Variants in NCALD observed in about 807,000 individuals in gnomAD.
NCALD encodes neurocalcin delta.
Under a neutral mutation model 18.6 loss-of-function variants are expected in NCALD, and 10 were observed. The observed-to-expected ratio is 0.54, with a 90% confidence interval of 0.33 to 0.91. NCALD has a LOEUF of 0.91. NCALD is among the 40% of genes least tolerant of loss of function. NCALD has a pLI of 0.03. For missense variants in NCALD, 184 were observed against 247.6 expected (o/e 0.74, Z 1.72); for synonymous variants, 88 against 87.4 (o/e 1.01, Z -0.04).
intron 1 of NCALD, among the ~76,000 whole-genome samples, chr8:102,066,303 T>C (rs1337879365): frequency 1.3e-5 from 2 of 152,260 alleles, no homozygotes; most frequent in Admixed American, 1.3e-4. Context: ...TCTCATTTCC[T>C]AGGATCTTAT....
intron 2 of NCALD, among the ~76,000 whole-genome samples, chr8:101,977,701 A>T (rs142875453): frequency 7.9e-5 from 12 of 152,296 alleles, no homozygotes; most frequent in African/African-American, 2.9e-4. Context: ...TGGGGGCTGC[A>T]ATCCTTAGAC....
chr8:101,751,477 A>G (rs530680867), intron 1 of NCALD, among the ~76,000 whole-genome samples: 11 of 152,258 alleles, frequency 7.2e-5, no homozygotes, highest in Non-Finnish European at 1.3e-4. Context: ...ACTGAATTGT[A>G]TGCCTAAAAT....
At chr8:101,868,236 T>G (rs751573129) in intron 4 of NCALD, among the ~76,000 whole-genome samples, 2 of 152,108 alleles carry the variant, frequency 1.3e-5, no homozygotes, top group Non-Finnish European at 2.9e-5. Context: ...TGCCTTTTTT[T>G]GTGTGTGCTC....
chr8:101,949,461 C>G (rs987109774), intron 2 of NCALD, among the ~76,000 whole-genome samples: 1 of 152,068 alleles, frequency 6.6e-6, no homozygotes, highest in African/African-American at 2.4e-5. Flanking sequence ...AGAACTCCTG[C>G]TATGCTAGCA....
At chr8:102,046,383 G>C (rs188431705) in intron 1 of NCALD, among the ~76,000 whole-genome samples, 30 of 152,230 alleles carry the variant, frequency 2.0e-4, no homozygotes, top group Admixed American at 1.9e-3. Context: ...CTACAAATTA[G>C]AAAAGCAATA....
chr8:101,774,671 C>T lies in NCALD; in HGVS notation c.-20+16191G>A, dbSNP rs796835938. The stretch of plus-strand genomic sequence containing the variant: ...GTGATGGAGTGCATGGGCAGTGAGT[C>T]ATGGCGGAGGCAATAGGCGCCATGA... On this transcript the variant is annotated intron_variant, in intron 1 of 3. Transcript: ENST00000220931. 1.2e-3 allele frequency among the ~76,000 whole-genome samples: 184 copies of T among 152,298 alleles called. 1 individual carries two copies. Among genetic ancestry groups the T allele is most frequent in the African/African-American group, 4.4e-3 (181 of 41,574 alleles).
chr8:101,797,561 G>T (rs375274458), intron 4 of NCALD, among the ~76,000 whole-genome samples: 1 of 152,164 alleles, frequency 6.6e-6, no homozygotes, highest in Non-Finnish European at 1.5e-5. Flanking sequence ...GCTCATGCCT[G>T]TAATCTAGCA....
At chr8:101,698,373 G>C (rs1815101634) in intron 2 of NCALD, among the ~76,000 whole-genome samples, 3 of 152,090 alleles carry the variant, frequency 2.0e-5, no homozygotes, top group African/African-American at 7.2e-5. Flanking sequence ...GTAATTTAAA[G>C]ATTCAATGTT....
chr8:102,096,802 G>A (rs758287167), intron 1 of NCALD, among the ~76,000 whole-genome samples: 1 of 152,218 alleles, frequency 6.6e-6, no homozygotes, highest in Non-Finnish European at 1.5e-5. Context: ...ACCCTGTAGA[G>A]TGTGCTTTTG....
chr8:101,736,285 G>T (rs1466806536), intron 1 of NCALD, among the ~76,000 whole-genome samples: 1 of 152,100 alleles, frequency 6.6e-6, no homozygotes, highest in African/African-American at 2.4e-5. Flanking sequence ...CATCAATCTT[G>T]ATATCTGAAC....
intron 2 of NCALD, among the ~76,000 whole-genome samples, chr8:101,959,405 G>C (rs1170438299): frequency 6.6e-6 from 1 of 152,092 alleles, no homozygotes; most frequent in East Asian, 1.9e-4. Flanking sequence ...AAACCTGGCA[G>C]ACACACCAGA....
intron 2 of NCALD, among the ~76,000 whole-genome samples, chr8:101,708,038 T>C (rs1326007963): frequency 6.6e-6 from 1 of 152,004 alleles, no homozygotes; most frequent in African/African-American, 2.4e-5. Context: ...CTGCCAGGAG[T>C]AACGTGATGT....
At chr8:101,715,315 T>C (rs535573356) in intron 2 of NCALD, among the ~76,000 whole-genome samples, 4 of 152,302 alleles carry the variant, frequency 2.6e-5, no homozygotes, top group East Asian at 3.9e-4. Context: ...TTACACCTTA[T>C]ACAAAAATTA....
intron 3 of NCALD, among the ~76,000 whole-genome samples, chr8:101,892,114 T>A (rs1403211398): frequency 6.6e-6 from 1 of 151,414 alleles, no homozygotes; most frequent in African/African-American, 2.4e-5. Context: ...AATGTCCCTG[T>A]CTGACAGCTT....
intron 2 of NCALD, among the ~76,000 whole-genome samples, chr8:101,929,075 T>A (rs1818443397): frequency 1.3e-5 from 2 of 151,814 alleles, no homozygotes; most frequent in African/African-American, 4.8e-5. Context: ...CCATATTATG[T>A]GATAGTCGGG....
At chr8:101,837,001 T>G (rs1814439731) in intron 4 of NCALD, among the ~76,000 whole-genome samples, 1 of 152,224 alleles carries the variant, frequency 6.6e-6, no homozygotes, top group Non-Finnish European at 1.5e-5. Context: ...TAAATTTGAT[T>G]TTTAATGTAA....
chr8:101,691,404 G>A (rs902140114), intron 3 of NCALD: 1 of 985,210 alleles, frequency 1.0e-6, no homozygotes, highest in African/African-American at 1.7e-5. Flanking sequence ...AGTCCCAGTG[G>A]AAAGACCCTA....
chr8:101,836,723 T>A (rs568643580), intron 4 of NCALD, among the ~76,000 whole-genome samples: 1 of 152,228 alleles, frequency 6.6e-6, no homozygotes, highest in African/African-American at 2.4e-5. Context: ...TAGTAAGAAG[T>A]CTGTGCATTC....
intron 4 of NCALD, among the ~76,000 whole-genome samples, chr8:101,821,741 A>G (rs1813723767): frequency 6.6e-6 from 1 of 152,112 alleles, no homozygotes; most frequent in African/African-American, 2.4e-5. Context: ...GTCCTCTGCA[A>G]ATTCAAGATT....
Sources: allele counts gnomAD v4.1 joint callset (sites outside exome capture counted in the v4.1 genomes callset), GRCh38; gene constraint gnomAD v4.1.1; transcripts MANE v1.5; gene names NCBI Gene and HGNC (gene_info 2026-07-23, HGNC 2026-07-21).